The following TMCC1 variants were observed in gnomAD, a reference collection of about 807,000 sequenced individuals.
The protein encoded by TMCC1 is transmembrane and coiled-coil domains protein 1.
In TMCC1, 15 loss-of-function variants were observed where a neutral mutation model predicts 52.4. The observed-to-expected ratio is 0.29, with a 90% CI of 0.19 to 0.44. The LOEUF is 0.44. TMCC1 is among the 20% of genes least tolerant of loss of function. The pLI, the probability that TMCC1 is intolerant of heterozygous loss-of-function variation, is 1.00. For missense variants in TMCC1, 503 were observed against 806.0 expected (o/e 0.62, Z 4.55); for synonymous variants, 279 against 301.9 (o/e 0.92, Z 0.79).
chr3:129,778,716 G>T (rs1486981569), intron 4 of TMCC1, among the ~76,000 whole-genome samples: 3 of 151,584 alleles, frequency 2.0e-5, no homozygotes, highest in African/African-American at 4.8e-5. Context: ...ATGATAGTGA[G>T]TTCTCACAAA....
At chr3:129,672,212 C>A (rs1224909912) in intron 4 of TMCC1, among the ~76,000 whole-genome samples, 1 of 152,054 alleles carries the variant, frequency 6.6e-6, no homozygotes, top group East Asian at 1.9e-4. Flanking sequence ...GTCAAGTTTC[C>A]CAAATTCAGG....
At chr3:129,702,657 A>G (rs2047925313) in intron 4 of TMCC1, among the ~76,000 whole-genome samples, 1 of 152,194 alleles carries the variant, frequency 6.6e-6, no homozygotes, top group Non-Finnish European at 1.5e-5. Flanking sequence ...TGAACAACAT[A>G]CCAAGTATGT....
intron 6 of TMCC1, 132 bp downstream of exon 6, chr3:129,654,836 G>T (rs2086569310): frequency 8.0e-7 from 1 of 1,243,620 alleles, no homozygotes. Flanking sequence ...TTTAAGAGTA[G>T]GTATACTCTT....
chr3:129,828,149 G>C lies in TMCC1; in HGVS notation c.230C>G (p.Pro77Arg). 6.2e-7 allele frequency: 1 copy of C among 1,614,142 alleles called. No individual in the cohort carries two copies. The highest frequency in any genetic ancestry group is 8.5e-7 in the Non-Finnish European group (1 of 1,180,032). Residue 77 changes from proline to arginine, a missense_variant, in exon 4 of 7, where the codon CCA (proline) becomes CGA (arginine). Physicochemically the swap from Pro to Arg is moderately radical, Grantham distance 103. Coordinates refer to ENST00000393238, the MANE Select transcript of TMCC1 (RefSeq NM_001017395.5). The surrounding 1 kb of genome is among the most constrained non-coding windows in gnomAD (Gnocchi z 4.1). Reference sequence around the variant, plus strand: ...GCTTTCCAGATCCATTTCAGGTTCTGGATCTGCCTGAATTTGCTGCACATC... The same window carrying C: ...GCTTTCCAGATCCATTTCAGGTTCTCGATCTGCCTGAATTTGCTGCACATC... ...PHDVQQIQAD[P>R]EPEMDLESQN...
rs184533464 is a variant in TMCC1 at position 129,708,333 on chromosome 3, T to C, written c.577-37069A>G. 3.3e-4 allele frequency among the ~76,000 whole-genome samples: 51 copies of C among 152,336 alleles called. No homozygotes were observed. In the East Asian group the frequency reaches 9.3e-3, roughly 28 times the overall value. ...TCAAAGAATGCCTAAGACATCCTAA[T>C]TCTTAAAATGTACTGCAATGTAACA... On this transcript the variant is annotated intron_variant, in intron 4 of 6. Transcript: ENST00000393238.
intron 4 of TMCC1, among the ~76,000 whole-genome samples, chr3:129,690,111 T>C (rs770998463): frequency 1.3e-4 from 20 of 152,228 alleles, no homozygotes; most frequent in Admixed American, 1.2e-3. Flanking sequence ...AAACCGCTAT[T>C]ACCACTGTGA....
At chr3:129,696,547 AGT>A (rs1438449256) in intron 4 of TMCC1, among the ~76,000 whole-genome samples, 6 of 152,206 alleles carry the variant, frequency 3.9e-5, no homozygotes. Flanking sequence ...TATTTTACAA[AGT>A]ATGACTCTTT....
Position 129,738,311 on chromosome 3 carries a change from A to G in TMCC1, c.577-67047T>C, listed in dbSNP as rs1479764383. On this transcript the variant is annotated intron_variant, in intron 4 of 6. Transcript: ENST00000393238. ...AAAAAGAGAAGAAGAAAAAAGAAAG[A>G]GAGCTTTCAATTTTCACTTTTGGCT... is the stretch of plus-strand genomic sequence containing the variant. 2.0e-5 allele frequency among the ~76,000 whole-genome samples: 3 copies of G among 151,238 alleles called. No individual in the cohort carries two copies. The East Asian group carries it at 5.8e-4, about 29-fold the overall frequency.
intron 4 of TMCC1, among the ~76,000 whole-genome samples, chr3:129,732,388 C>T (rs1277706975): frequency 6.6e-6 from 1 of 152,116 alleles, no homozygotes; most frequent in Non-Finnish European, 1.5e-5. Context: ...CACCACCCAC[C>T]CTGTTGCCAG....
intron 6 of TMCC1, among the ~76,000 whole-genome samples, chr3:129,653,727 G>A (rs988592171): frequency 4.6e-5 from 7 of 152,114 alleles, no homozygotes; most frequent in South Asian, 2.1e-4. Context: ...GATTACAGGC[G>A]TGCGCCACCA....
At chr3:129,653,754 G>C (rs1376311238) in intron 6 of TMCC1, among the ~76,000 whole-genome samples, 1 of 152,082 alleles carries the variant, frequency 6.6e-6, no homozygotes, top group Admixed American at 6.5e-5. Context: ...GCCTGTTCTT[G>C]CTATTTTTTA....
chr3:129,683,727 C>T (rs199697150), intron 4 of TMCC1, among the ~76,000 whole-genome samples: 8 of 152,186 alleles, frequency 5.3e-5, no homozygotes, highest in Non-Finnish European at 1.0e-4. Context: ...CAACCCCCAC[C>T]GCCCCACCAC....
At chr3:129,875,442 G>C (rs1437583956) in intron 2 of TMCC1, among the ~76,000 whole-genome samples, 1 of 123,718 alleles carries the variant, frequency 8.1e-6, no homozygotes, top group Non-Finnish European at 1.6e-5. Context: ...AGTCAGCCAA[G>C]ATCGCACCAC....
chr3:129,756,477 C>A (rs1034812003), intron 4 of TMCC1, among the ~76,000 whole-genome samples: 2 of 152,086 alleles, frequency 1.3e-5, no homozygotes, highest in African/African-American at 4.8e-5. Context: ...GCAGTGGTTG[C>A]AACCTTCGCC....
Position 129,771,901 on chromosome 3 carries a change from T to C in TMCC1, c.576+55902A>G, listed in dbSNP as rs546863451. On this transcript the variant is annotated intron_variant, in intron 4 of 6. Coordinates refer to ENST00000393238, the MANE Select transcript of TMCC1 (RefSeq NM_001017395.5). ...ACTAGTTAGAAAGCTACCTTAATTG[T>C]CTTGTCGGAAGTGATGTTGGTTTGA... is the stretch of plus-strand genomic sequence containing the variant. 7.2e-5 allele frequency among the ~76,000 whole-genome samples: 11 copies of C among 152,082 alleles called. No individual in the cohort carries two copies. In the East Asian group the frequency reaches 2.1e-3, roughly 29 times the overall value.
chr3:129,785,288 T>C (rs2055911052), intron 4 of TMCC1, among the ~76,000 whole-genome samples: 1 of 152,194 alleles, frequency 6.6e-6, no homozygotes, highest in South Asian at 2.1e-4. Flanking sequence ...TTCATCTTTA[T>C]ACCTAACTCA....
chr3:129,697,086 GT>G (rs2047467279), intron 4 of TMCC1, among the ~76,000 whole-genome samples: 1 of 152,240 alleles, frequency 6.6e-6, no homozygotes, highest in South Asian at 2.1e-4. Context: ...CAGTGCCCCA[GT>G]GGGGACTCTG....
At chr3:129,850,004 T>C (rs1341703012) in intron 2 of TMCC1, among the ~76,000 whole-genome samples, 1 of 152,128 alleles carries the variant, frequency 6.6e-6, no homozygotes, top group East Asian at 1.9e-4. Flanking sequence ...AACATTTAGA[T>C]TAGGTATCAT....
intron 2 of TMCC1, among the ~76,000 whole-genome samples, chr3:129,860,247 T>C (rs1386085898): frequency 6.6e-6 from 1 of 152,120 alleles, no homozygotes; most frequent in African/African-American, 2.4e-5. Flanking sequence ...GTGGAATTTT[T>C]TTTTTTAATA....
Sources: gnomAD v4.1 joint callset for allele counts (sites outside exome capture counted in the v4.1 genomes callset) on GRCh38, gnomAD v4.1.1 for gene constraint, Gnocchi (gnomAD v3.1) non-coding constraint, MANE v1.5 for transcripts, NCBI Gene and HGNC (gene_info 2026-07-23, HGNC 2026-07-21) for gene names.